The following HHAT variants were observed in gnomAD, a reference collection of about 807,000 sequenced individuals.
The protein encoded by HHAT is hedgehog acyltransferase, also known as protein-cysteine N-palmitoyltransferase HHAT.
HHAT carries 47 observed loss-of-function variants against 70.8 expected under a neutral mutation model. That is an observed-to-expected ratio of 0.66 (90% CI 0.53 to 0.85). The LOEUF (loss-of-function observed/expected upper bound fraction) is 0.85, where lower values mean the gene tolerates loss of function less well. Ranked by LOEUF, HHAT falls within the 40% of genes least tolerant of loss-of-function variation. HHAT has a pLI of 0.00. For synonymous variants in HHAT, 228 were observed against 247.6 expected (o/e 0.92, Z 0.74); for missense variants, 609 against 604.8 (o/e 1.01, Z -0.07).
chr1:210,378,302 G>A (rs980200547), intron 3 of HHAT, among the ~76,000 whole-genome samples: 1 of 152,274 alleles, frequency 6.6e-6, no homozygotes, highest in African/African-American at 2.4e-5. Flanking sequence ...GTCTTACTCA[G>A]TGTAATTAGA....
intron 10 of HHAT, among the ~76,000 whole-genome samples, chr1:210,595,300 A>C (rs1351914494): frequency 6.6e-6 from 1 of 152,056 alleles, no homozygotes; most frequent in African/African-American, 2.4e-5. Flanking sequence ...TGAACTCATC[A>C]TTTTTTATGG....
intron 7 of HHAT, among the ~76,000 whole-genome samples, chr1:210,421,934 A>G (rs950653951): frequency 2.6e-5 from 4 of 152,088 alleles, no homozygotes; most frequent in African/African-American, 9.7e-5. Context: ...TGACAGCATA[A>G]AAGGGTTTAT....
chr1:210,327,389 G>A (rs933025649), upstream of HHAT, among the ~76,000 whole-genome samples: 1 of 143,720 alleles, frequency 7.0e-6, no homozygotes, highest in African/African-American at 2.6e-5. Flanking sequence ...TACTCACCTC[G>A]ACCTCCCAAA....
chr1:210,372,365 T>C (rs1314448647), intron 3 of HHAT, among the ~76,000 whole-genome samples: 1 of 152,192 alleles, frequency 6.6e-6, no homozygotes, highest in Non-Finnish European at 1.5e-5. Flanking sequence ...CAAGCCTATT[T>C]TGTTGTTTAA....
rs1394781594 is a variant in HHAT at position 210,535,456 on chromosome 1, G to GT, written c.1043+22268_1043+22269insT. Among the ~76,000 whole-genome samples the GT allele has an allele frequency of 4.6e-3, 644 of 140,218 alleles. 2 individuals are homozygous for GT. Among genetic ancestry groups the GT allele is most frequent in the South Asian group, 0.013 (55 of 4,364 alleles). The allele number at this position is 140,218 out of a possible 152,430, so 92.0% of individuals were successfully genotyped here. On this transcript the variant is annotated intron_variant, in intron 9 of 11. Transcript: ENST00000261458. ...TTGTGTGTGTGTGTGTGTGTGTGTG[G>GT]GGTAAAATAATATAAATAATCTGTC...
intron 8 of HHAT, among the ~76,000 whole-genome samples, chr1:210,507,610 T>C (rs1033986628): frequency 6.6e-6 from 1 of 151,978 alleles, no homozygotes; most frequent in Non-Finnish European, 1.5e-5. Context: ...CTACCTGCCT[T>C]GGCCTCCCAA....
At chr1:210,616,819 T>C (rs780808616) in intron 10 of HHAT, among the ~76,000 whole-genome samples, 8 of 152,246 alleles carry the variant, frequency 5.3e-5, no homozygotes, top group Non-Finnish European at 8.8e-5. Context: ...TCTTCATTTG[T>C]AAAATATGAA....
chr1:210,524,989 T>C (rs1056857224), intron 9 of HHAT, among the ~76,000 whole-genome samples: 3 of 152,074 alleles, frequency 2.0e-5, no homozygotes, highest in Non-Finnish European at 4.4e-5. Context: ...CATGGGCAGC[T>C]GAGTGGAGTT....
At chr1:210,660,926 A>T (rs1454716594) in intron 11 of HHAT, among the ~76,000 whole-genome samples, 1 of 152,228 alleles carries the variant, frequency 6.6e-6, no homozygotes, top group Admixed American at 6.5e-5. Context: ...AAGATGGATT[A>T]ATGACTTAAC....
At chr1:210,639,473 G>A (rs1222600947) in intron 11 of HHAT, among the ~76,000 whole-genome samples, 2 of 152,198 alleles carry the variant, frequency 1.3e-5, no homozygotes, top group African/African-American at 4.8e-5. Flanking sequence ...TAAACAGATG[G>A]ATGCATAGAT....
intron 7 of HHAT, among the ~76,000 whole-genome samples, chr1:210,457,028 C>T (rs1320396073): frequency 6.6e-6 from 1 of 152,116 alleles, no homozygotes; most frequent in Non-Finnish European, 1.5e-5. Flanking sequence ...GGTGCTGATC[C>T]ATCTCCTCCT....
intron 8 of HHAT, among the ~76,000 whole-genome samples, chr1:210,488,477 T>G (rs372825185): frequency 2.1e-4 from 32 of 152,358 alleles, no homozygotes; most frequent in African/African-American, 7.7e-4. Context: ...GGAACAGAAG[T>G]TCCATGAGAA....
At chr1:210,374,099 C>G (rs149223739) in intron 3 of HHAT, 2 of 151,586 alleles carry the variant, frequency 1.3e-5, no homozygotes, top group South Asian at 2.1e-4. Flanking sequence ...ATCACTTAAG[C>G]CTAAAGTTGC....
intron 11 of HHAT, among the ~76,000 whole-genome samples, chr1:210,624,985 C>T (rs1669556499): frequency 6.6e-6 from 1 of 152,150 alleles, no homozygotes. Context: ...TCTTTTCACA[C>T]CAGAAATAAC....
intron 4 of HHAT, among the ~76,000 whole-genome samples, chr1:210,395,841 A>G (rs2091752198): frequency 6.6e-6 from 1 of 152,226 alleles, no homozygotes; most frequent in East Asian, 1.9e-4. Context: ...AAGCATATCC[A>G]TCTACCCAGC....
intron 9 of HHAT, among the ~76,000 whole-genome samples, chr1:210,563,471 T>TG (rs1345480895): frequency 6.6e-6 from 1 of 151,962 alleles, no homozygotes; most frequent in Non-Finnish European, 1.5e-5. Flanking sequence ...GAAAGCACGA[T>TG]GGGGAGGGTT....
At chr1:210,609,549 G>A (rs1463562373) in intron 10 of HHAT, among the ~76,000 whole-genome samples, 1 of 152,036 alleles carries the variant, frequency 6.6e-6, no homozygotes, top group East Asian at 1.9e-4. Context: ...TGTGCAGGAT[G>A]TGCAGATTTA....
chr1:210,464,207 G>A (rs894721269), intron 7 of HHAT, among the ~76,000 whole-genome samples: 2 of 151,358 alleles, frequency 1.3e-5, no homozygotes, highest in Admixed American at 6.6e-5. Context: ...TTTCCCCTTC[G>A]TAATAGTTTT....
At chr1:210,639,737 A>G (rs982426340) in intron 11 of HHAT, among the ~76,000 whole-genome samples, 66 of 152,186 alleles carry the variant, frequency 4.3e-4, no homozygotes, top group African/African-American at 1.6e-3. Flanking sequence ...ACCTGGTTCA[A>G]AACAACTTTC....
Sources: allele counts gnomAD v4.1 joint callset (sites outside exome capture counted in the v4.1 genomes callset), GRCh38; gene constraint gnomAD v4.1.1; transcripts MANE v1.5; gene names NCBI Gene and HGNC (gene_info 2026-07-23, HGNC 2026-07-21).